Variants in GPR158 observed in about 807,000 individuals in gnomAD.
GPR158 encodes the protein G protein-coupled receptor 158.
In GPR158, 30 loss-of-function variants were observed where a neutral mutation model predicts 78.2. The ratio of observed to expected loss-of-function variants is 0.38; its 90% CI spans 0.29 to 0.52. The LOEUF is 0.52. Ranked by LOEUF, GPR158 falls within the 20% of genes least tolerant of loss-of-function variation. The pLI, the probability that GPR158 is intolerant of heterozygous loss-of-function variation, is 0.83. For synonymous variants in GPR158, 581 were observed against 591.1 expected (o/e 0.98, Z 0.25); for missense variants, 1,463 against 1,523.5 (o/e 0.96, Z 0.66).
At chr10:25,405,421 T>A (rs1834498961) in intron 3 of GPR158, among the ~76,000 whole-genome samples, 1 of 151,640 alleles carries the variant, frequency 6.6e-6, no homozygotes, top group Non-Finnish European at 1.5e-5. Context: ...GTTTAGAATG[T>A]TTCATAATGG....
At chr10:25,222,806 C>T (rs550535539) in intron 2 of GPR158, among the ~76,000 whole-genome samples, 1 of 152,220 alleles carries the variant, frequency 6.6e-6, no homozygotes, top group South Asian at 2.1e-4. Flanking sequence ...TTCTATATAG[C>T]CTTGTGTTAG....
intron 2 of GPR158, among the ~76,000 whole-genome samples, chr10:25,381,441 G>A (rs1227876081): frequency 1.3e-5 from 2 of 152,098 alleles, no homozygotes; most frequent in Non-Finnish European, 2.9e-5. Flanking sequence ...TATTATTATG[G>A]TTTTTAATAT....
In GPR158 at chr10:25,445,744, GGA is replaced by G. The variant is rs1338375562; in HGVS notation, c.1336-20901_1336-20900del. On this transcript the variant is annotated intron_variant, in intron 4 of 10. Coordinates refer to ENST00000376351, the MANE Select transcript of GPR158 (RefSeq NM_020752.3). The stretch of plus-strand genomic sequence containing the variant: ...TGGTAGTGGCGGCGAGAGAGAGAGA[GGA>G]GAGAGGGGGAGAGAGAGAGAGGGAG... 4.0e-5 allele frequency among the ~76,000 whole-genome samples: 6 copies of G among 151,694 alleles called. No individual in the cohort carries two copies. The South Asian group carries it at 1.0e-3, about 26-fold the overall frequency.
At chr10:25,514,988 T>C (rs1588894132) in intron 5 of GPR158, among the ~76,000 whole-genome samples, 1 of 152,144 alleles carries the variant, frequency 6.6e-6, no homozygotes, top group Admixed American at 6.6e-5. Context: ...AATGACTATG[T>C]GCCTAGGTGA....
intron 2 of GPR158, among the ~76,000 whole-genome samples, chr10:25,382,912 A>G (rs1834175298): frequency 6.6e-6 from 1 of 151,680 alleles, no homozygotes; most frequent in African/African-American, 2.4e-5. Context: ...GCTCATTGCA[A>G]CCTCCTTCCT....
At chr10:25,570,182 C>A (rs1279655056) in intron 6 of GPR158, among the ~76,000 whole-genome samples, 3 of 152,176 alleles carry the variant, frequency 2.0e-5, no homozygotes, top group African/African-American at 7.2e-5. Context: ...CAAGAAATTT[C>A]TCTTATTTCT....
chr10:25,427,004 A>G (rs1007044407), intron 4 of GPR158, among the ~76,000 whole-genome samples: 6 of 151,556 alleles, frequency 4.0e-5, no homozygotes, highest in African/African-American at 1.5e-4. Flanking sequence ...TTTTTTTGCT[A>G]TACATCTCTT....
intron 4 of GPR158, among the ~76,000 whole-genome samples, chr10:25,464,092 T>C (rs10400009): frequency 0.067 from 10,167 of 152,254 alleles, 1,005 homozygotes; most frequent in African/African-American, 0.22. Flanking sequence ...TTCCAATTTA[T>C]AATCTGAAAT....
At chr10:25,424,255 T>A (rs1411595362) in intron 4 of GPR158, among the ~76,000 whole-genome samples, 1 of 152,348 alleles carries the variant, frequency 6.6e-6, no homozygotes, top group East Asian at 1.9e-4. Flanking sequence ...TAAATTTAAG[T>A]TCTTTGTAGA....
chr10:25,296,193 A>T (rs1007246271), intron 2 of GPR158, among the ~76,000 whole-genome samples: 1 of 152,158 alleles, frequency 6.6e-6, no homozygotes, highest in Non-Finnish European at 1.5e-5. Flanking sequence ...CTATTTGTAC[A>T]CTATATCAGC....
intron 2 of GPR158, among the ~76,000 whole-genome samples, chr10:25,226,660 T>C (rs996249468): frequency 2.0e-5 from 3 of 152,328 alleles, no homozygotes; most frequent in African/African-American, 7.2e-5. Flanking sequence ...TCTTTTCTCC[T>C]ATTACTAGTG....
chr10:25,241,334 CTCTTT>C (rs1853620300), intron 2 of GPR158, among the ~76,000 whole-genome samples: 2 of 118,266 alleles, frequency 1.7e-5, no homozygotes, highest in East Asian at 2.2e-4. Context: ...CTCTTCTCTT[CTCTTT>C]TCTCTTTTCT....
At chr10:25,455,996 A>G (rs2130606577) in intron 4 of GPR158, among the ~76,000 whole-genome samples, 1 of 152,318 alleles carries the variant, frequency 6.6e-6, no homozygotes, top group South Asian at 2.1e-4. Flanking sequence ...AACTTGATCT[A>G]TAAATGTTTA....
intron 5 of GPR158, among the ~76,000 whole-genome samples, chr10:25,480,229 C>T (rs143214418): frequency 1.1e-4 from 16 of 152,234 alleles, no homozygotes; most frequent in Admixed American, 9.2e-4. Context: ...TGTTAACATT[C>T]CTTATCTGCC....
chr10:25,222,339 CG>C (rs1355781119), intron 2 of GPR158, among the ~76,000 whole-genome samples: 2 of 148,114 alleles, frequency 1.4e-5, no homozygotes, highest in African/African-American at 5.0e-5. Flanking sequence ...AAGAAGCCCC[CG>C]TAATGCTCCC....
At chr10:25,583,441 A>G (rs988564574) in intron 7 of GPR158, among the ~76,000 whole-genome samples, 3 of 152,366 alleles carry the variant, frequency 2.0e-5, no homozygotes, top group African/African-American at 7.2e-5. Flanking sequence ...TAGCCAAAGA[A>G]GAACCAGATA....
intron 2 of GPR158, among the ~76,000 whole-genome samples, chr10:25,362,983 G>T (rs1417966871): frequency 6.6e-6 from 1 of 151,510 alleles, no homozygotes; most frequent in African/African-American, 2.4e-5. Context: ...GGTGTCTCTT[G>T]TTCACAATAT....
chr10:25,409,817 C>T (rs956681614), intron 3 of GPR158, among the ~76,000 whole-genome samples: 2 of 152,090 alleles, frequency 1.3e-5, no homozygotes, highest in African/African-American at 2.4e-5. Flanking sequence ...AAAACAAAAT[C>T]GCTTTTTAAA....
chr10:25,488,361 TG>T (rs1227644386), intron 5 of GPR158, among the ~76,000 whole-genome samples: 4 of 152,188 alleles, frequency 2.6e-5, no homozygotes, highest in Non-Finnish European at 5.9e-5. Context: ...ACTGAAAAAC[TG>T]GGATTCTTTT....
Sources: gnomAD v4.1 joint callset for allele counts (sites outside exome capture counted in the v4.1 genomes callset) on GRCh38, gnomAD v4.1.1 for gene constraint, MANE v1.5 for transcripts, NCBI Gene and HGNC (gene_info 2026-07-23, HGNC 2026-07-21) for gene names.